Variants in FMN2 observed in about 807,000 individuals in gnomAD.
FMN2 encodes formin-2.
A neutral mutation model predicts 142.3 loss-of-function variants in FMN2; 51 were observed. The observed-to-expected ratio is 0.36, with a 90% CI of 0.29 to 0.45. FMN2 has a LOEUF of 0.45. FMN2 is among the 20% of genes least tolerant of loss of function. The pLI is 1.00. For synonymous variants in FMN2, 882 were observed against 869.8 expected, an observed-to-expected ratio of 1.01 and a Z score of -0.25; for missense variants, 1,936 against 2,122.8, an observed-to-expected ratio of 0.91 and a Z score of 1.73.
intron 11 of FMN2, among the ~76,000 whole-genome samples, chr1:240,331,465 A>G (rs911532822): frequency 6.1e-5 from 9 of 148,218 alleles, no homozygotes; most frequent in African/African-American, 2.4e-4. Flanking sequence ...TTTCTCTGAT[A>G]AAAAAATCAT....
chr1:240,273,327 C>T (rs1314452232), intron 7 of FMN2, among the ~76,000 whole-genome samples: 5 of 152,140 alleles, frequency 3.3e-5, no homozygotes, highest in Non-Finnish European at 5.9e-5. Flanking sequence ...TTTTTATCTC[C>T]ATCTTCAGGA....
intron 1 of FMN2, among the ~76,000 whole-genome samples, chr1:240,093,971 T>C (rs1307525634): frequency 6.6e-6 from 1 of 152,258 alleles, no homozygotes; most frequent in Non-Finnish European, 1.5e-5. Flanking sequence ...TGTCCTAAGT[T>C]GCTCTGCCCA....
At chr1:240,365,565 A>G (rs1672641797) in intron 14 of FMN2, among the ~76,000 whole-genome samples, 1 of 152,098 alleles carries the variant, frequency 6.6e-6, no homozygotes, top group Non-Finnish European at 1.5e-5. Flanking sequence ...TTATTCATAC[A>G]CTATTTATGT....
intron 14 of FMN2, among the ~76,000 whole-genome samples, chr1:240,380,065 A>G (rs1673175617): frequency 6.6e-6 from 1 of 152,166 alleles, no homozygotes; most frequent in African/African-American, 2.4e-5. Context: ...CATTGGCAAC[A>G]TTAGTCAGAT....
chr1:240,398,307 G>A (rs754842057), intron 15 of FMN2, among the ~76,000 whole-genome samples: 2 of 152,104 alleles, frequency 1.3e-5, no homozygotes, highest in African/African-American at 2.4e-5. Context: ...CCTGGCCGGC[G>A]ACATCTTTTA....
intron 15 of FMN2, among the ~76,000 whole-genome samples, chr1:240,407,983 G>C (rs78739953): frequency 6.6e-6 from 1 of 152,106 alleles, no homozygotes; most frequent in Non-Finnish European, 1.5e-5. Context: ...TGTAGATTTC[G>C]CATCCTACTT....
At chr1:240,310,142 T>A (rs1295487477) in intron 8 of FMN2, among the ~76,000 whole-genome samples, 1 of 152,194 alleles carries the variant, frequency 6.6e-6, no homozygotes, top group African/African-American at 2.4e-5. Flanking sequence ...CTAGAAAAAA[T>A]AAACATATTT....
intron 13 of FMN2, among the ~76,000 whole-genome samples, chr1:240,355,199 T>G (rs1672222430): frequency 6.6e-6 from 1 of 152,198 alleles, no homozygotes; most frequent in Non-Finnish European, 1.5e-5. Flanking sequence ...AAGGAGGTAA[T>G]AAGTCTACTT....
chr1:240,335,997 G>T, intron 13 of FMN2, among the ~76,000 whole-genome samples: 1 of 152,014 alleles, frequency 6.6e-6, no homozygotes, highest in Non-Finnish European at 1.5e-5. Context: ...TACAAAATTA[G>T]CCAGGCATGG....
intron 6 of FMN2, among the ~76,000 whole-genome samples, chr1:240,242,524 G>A (rs894188978): frequency 3.3e-5 from 5 of 152,284 alleles, no homozygotes; most frequent in African/African-American, 1.2e-4. Flanking sequence ...GGTGTCAGGA[G>A]AGATTGAAAC....
chr1:240,112,781 A>T (rs1346146550), intron 1 of FMN2, among the ~76,000 whole-genome samples: 1 of 152,048 alleles, frequency 6.6e-6, no homozygotes, highest in Admixed American at 6.6e-5. Flanking sequence ...TTTTCCTGAT[A>T]AGTGACCCTG....
intron 7 of FMN2, among the ~76,000 whole-genome samples, chr1:240,284,293 T>C (rs2102943067): frequency 6.6e-6 from 1 of 152,296 alleles, no homozygotes; most frequent in South Asian, 2.1e-4. Flanking sequence ...CACTATATTC[T>C]AACTAGATGC....
In FMN2 at chr1:240,436,170, G is replaced by A. The variant is rs115831194; in HGVS notation, c.4911-1891G>A. ...CATTCTAACGTCATTACCATAGCCC[G>A]TGGCAGCCAGATCCTCACATAGCGT... On this transcript the variant is annotated intron_variant, in intron 15 of 17. Coordinates refer to ENST00000319653, the MANE Select transcript of FMN2 (RefSeq NM_020066.5). Among the ~76,000 whole-genome samples, 610 of 152,256 alleles carry A rather than the reference G, an allele frequency of 4.0e-3. 3 individuals carry two copies. The highest frequency in any genetic ancestry group is 0.014 in the African/African-American group (569 of 41,558).
chr1:240,285,126 T>G, intron 7 of FMN2: 1 of 425,916 alleles, frequency 2.3e-6, no homozygotes, highest in South Asian at 1.7e-5. Flanking sequence ...TTTTGTTCAA[T>G]TAGGAGGGTG....
At chr1:240,185,059 C>CTTCCCCTTCTCTTTCTCCCTCCTATACCT (rs1665361998) in intron 3 of FMN2, among the ~76,000 whole-genome samples, 2 of 138,802 alleles carry the variant, frequency 1.4e-5, no homozygotes, top group Non-Finnish European at 3.2e-5. Context: ...CCTCCTATAC[C>CTTCCCCTTCTCTTTCTCCCTCCTATACCT]TTCCCCTTCT....
chr1:240,208,354 G>T lies in FMN2; in HGVS notation c.3542G>T (p.Gly1181Val), dbSNP rs1444181441. The change falls in exon 5 of 18, where the codon GGA becomes GTA. Residue 1181 changes from glycine to valine, a missense_variant. By Grantham distance (109) the Gly-to-Val change is moderately radical. Transcript: ENST00000319653. ...ATACCCCCTCCGCCCCCTCTACCTG[G>T]AGTGGGAATACCTCCTCCGCCCCCT... ...AGIPPPPPLP[G>V]VGIPPPPPLP... The T allele has an allele frequency of 6.6e-7, 1 of 1,526,104 alleles. No homozygotes were observed. The highest frequency in any genetic ancestry group is 2.4e-5 in the East Asian group (1 of 41,882). The allele number at this position is 1,526,104 out of a possible 1,614,324, so 94.5% of individuals were successfully genotyped here.
intron 7 of FMN2, among the ~76,000 whole-genome samples, chr1:240,260,903 T>G (rs773358552): frequency 6.6e-6 from 1 of 152,248 alleles, no homozygotes; most frequent in Non-Finnish European, 1.5e-5. Flanking sequence ...GTTTAAGTCC[T>G]TGACCCATCT....
At chr1:240,373,993 A>T (rs1672957767) in intron 14 of FMN2, among the ~76,000 whole-genome samples, 1 of 152,188 alleles carries the variant, frequency 6.6e-6, no homozygotes. Context: ...ATCTAAATAG[A>T]TGTTGTATTA....
At chr1:240,226,079 A>G (rs1422537509) in intron 6 of FMN2, among the ~76,000 whole-genome samples, 1 of 152,176 alleles carries the variant, frequency 6.6e-6, no homozygotes, top group Non-Finnish European at 1.5e-5. Flanking sequence ...GGACCAGTGT[A>G]TGTGAACTAT....
Sources: gnomAD v4.1 joint callset for allele counts (sites outside exome capture counted in the v4.1 genomes callset) on GRCh38, gnomAD v4.1.1 for gene constraint, MANE v1.5 for transcripts, NCBI Gene and HGNC (gene_info 2026-07-23, HGNC 2026-07-21) for gene names.